Variants in NTRK3 observed in about 807,000 individuals in gnomAD.
The protein encoded by NTRK3 is NT-3 growth factor receptor.
A neutral mutation model predicts 91.7 loss-of-function variants in NTRK3; 24 were observed. That is an observed-to-expected ratio of 0.26 (90% CI 0.19 to 0.37). The LOEUF (loss-of-function observed/expected upper bound fraction) is 0.37, where lower values mean the gene tolerates loss of function less well. Among genes scored for constraint, NTRK3 ranks in the 10% least tolerant of loss-of-function variants. NTRK3 has a pLI of 1.00. For missense variants in NTRK3, 880 were observed against 1,068.9 expected (o/e 0.82, Z 2.46); for synonymous variants, 483 against 404.0 (o/e 1.20, Z -2.34).
chr15:88,099,297 A>G (rs1253645207), intron 13 of NTRK3: 2 of 218,270 alleles, frequency 9.2e-6, no homozygotes, highest in Admixed American at 1.2e-4. Context: ...AAAGGAAAAC[A>G]TGGTCCAGCT....
At chr15:87,870,913 A>G (rs1264550941) in exon 19 of NTRK3, 1 of 229,526 alleles carries the variant, frequency 4.4e-6, no homozygotes, top group Non-Finnish European at 8.6e-6. Context: ...CTGAACAAAA[A>G]GCAATATTTG....
At chr15:87,976,527 A>T (rs2073729404) in intron 14 of NTRK3, among the ~76,000 whole-genome samples, 1 of 151,484 alleles carries the variant, frequency 6.6e-6, no homozygotes, top group South Asian at 2.1e-4. Flanking sequence ...CGCATTCTCC[A>T]CTCTTGCTCC....
intron 14 of NTRK3, among the ~76,000 whole-genome samples, chr15:88,008,256 G>C (rs1214854668): frequency 6.6e-6 from 1 of 152,138 alleles, no homozygotes; most frequent in Non-Finnish European, 1.5e-5. Flanking sequence ...GTAAATTTAA[G>C]GTGAAAAAGG....
chr15:88,004,316 T>C (rs1444791940), intron 14 of NTRK3, among the ~76,000 whole-genome samples: 1 of 151,948 alleles, frequency 6.6e-6, no homozygotes, highest in Non-Finnish European at 1.5e-5. Flanking sequence ...AGTTATAAAC[T>C]ATAGGAAGAG....
At chr15:87,926,340 G>A (rs1163357561) in intron 17 of NTRK3, among the ~76,000 whole-genome samples, 1 of 151,496 alleles carries the variant, frequency 6.6e-6, no homozygotes, top group African/African-American at 2.5e-5. Flanking sequence ...GTCTTTAAAT[G>A]TCTCATCAGT....
chr15:88,151,876 G>C (rs1344401875), intron 5 of NTRK3, among the ~76,000 whole-genome samples: 1 of 152,142 alleles, frequency 6.6e-6, no homozygotes, highest in Non-Finnish European at 1.5e-5. Flanking sequence ...TATTAAACCA[G>C]ACTGCCTCAC....
At chr15:88,065,550 G>A (rs1326437042) in intron 13 of NTRK3, among the ~76,000 whole-genome samples, 2 of 152,058 alleles carry the variant, frequency 1.3e-5, no homozygotes, top group African/African-American at 4.8e-5. Context: ...AGATACCCCA[G>A]AATATTGCTG....
At chr15:88,088,763 C>G (rs939991192) in intron 13 of NTRK3, among the ~76,000 whole-genome samples, 6 of 152,056 alleles carry the variant, frequency 3.9e-5, no homozygotes, top group Admixed American at 2.0e-4. Flanking sequence ...GACTAGTGGG[C>G]ATAGTTCCTA....
chr15:87,915,698 T>TA (rs1295345529), intron 17 of NTRK3, among the ~76,000 whole-genome samples: 2 of 152,242 alleles, frequency 1.3e-5, no homozygotes, highest in Non-Finnish European at 2.9e-5. Flanking sequence ...TAAAATGGTT[T>TA]AAAATTTCTG....
rs910921387 is a variant in NTRK3, at chr15:87,861,235, G to C, written c.*15700C>G. The C allele has an allele frequency of 2.0e-4, 43 of 218,714 alleles. No homozygotes were observed. The Admixed American group carries it at 2.3e-3, about 12-fold the overall frequency. 13.5% of individuals were successfully genotyped at this position (218,714 alleles called of 1,614,324 possible). The stretch of plus-strand genomic sequence containing the variant: ...ATACTTAGTACAGAAGCTTAGGGAG[G>C]GGGGATGGAAATCAGTTACAACAGT... On this transcript the variant is annotated 3_prime_UTR_variant, in exon 19 of 19. Coordinates refer to ENST00000394480, the Ensembl canonical transcript of NTRK3.
At chr15:88,091,154 A>G (rs908671727) in intron 13 of NTRK3, among the ~76,000 whole-genome samples, 2 of 152,102 alleles carry the variant, frequency 1.3e-5, no homozygotes, top group Admixed American at 1.3e-4. Context: ...CCGTTTTACT[A>G]CCTGCAGCTT....
At chr15:88,048,720 T>C (rs547440702) in intron 13 of NTRK3, among the ~76,000 whole-genome samples, 2 of 152,304 alleles carry the variant, frequency 1.3e-5, no homozygotes, top group East Asian at 3.9e-4. Context: ...TTTAACTCCT[T>C]TGCAGAGTCA....
chr15:87,884,671 C>T (rs958614254), intron 17 of NTRK3, among the ~76,000 whole-genome samples: 6 of 151,424 alleles, frequency 4.0e-5, no homozygotes, highest in Admixed American at 3.3e-4. Context: ...TAAGGTTTAC[C>T]CTAGAAATGT....
At chr15:88,210,939 G>T (rs1223242024) in intron 3 of NTRK3, among the ~76,000 whole-genome samples, 1 of 152,106 alleles carries the variant, frequency 6.6e-6, no homozygotes, top group Non-Finnish European at 1.5e-5. Flanking sequence ...ATGTTCCACT[G>T]AGAGCCCAGC....
At chr15:88,019,694 T>C (rs577179519) in intron 14 of NTRK3, among the ~76,000 whole-genome samples, 6 of 152,296 alleles carry the variant, frequency 3.9e-5, no homozygotes, top group African/African-American at 1.4e-4. Flanking sequence ...GCTGCAACCA[T>C]TTTGTAGCCA....
At chr15:88,238,964 G>C (rs528984580) in intron 3 of NTRK3, among the ~76,000 whole-genome samples, 2 of 152,342 alleles carry the variant, frequency 1.3e-5, no homozygotes, top group South Asian at 4.1e-4. Flanking sequence ...TTCCTCATCT[G>C]TCAGACGAGA....
At chr15:88,149,259 G>A (rs1004196299) in intron 5 of NTRK3, among the ~76,000 whole-genome samples, 1 of 152,166 alleles carries the variant, frequency 6.6e-6, no homozygotes, top group Non-Finnish European at 1.5e-5. Context: ...GCCTGAACTG[G>A]CTAGGTCCCT....
At chr15:87,929,257 C>T (rs781113893) in exon 17 of NTRK3, 30 of 1,614,134 alleles carry the variant, frequency 1.9e-5, no homozygotes, top group East Asian at 4.5e-5. Flanking sequence ...CTAGCAGATT[C>T]GCTCCAACCA....
chr15:87,896,606 C>G (rs1422918855), intron 17 of NTRK3, among the ~76,000 whole-genome samples: 1 of 152,052 alleles, frequency 6.6e-6, no homozygotes, highest in East Asian at 1.9e-4. Flanking sequence ...TTTGAGTCAC[C>G]TGGTAGAACT....
Sources: allele counts gnomAD v4.1 joint callset (sites outside exome capture counted in the v4.1 genomes callset), GRCh38; gene constraint gnomAD v4.1.1; transcripts MANE v1.5; gene names NCBI Gene and HGNC (gene_info 2026-07-23, HGNC 2026-07-21).